Variants in MALRD1 observed in about 807,000 individuals in gnomAD.
MALRD1 encodes the protein MAM and LDL-receptor class A domain-containing protein 1.
MALRD1 carries 247 observed loss-of-function variants against 242.1 expected under a neutral mutation model. The observed-to-expected ratio is 1.02, with a 90% CI of 0.92 to 1.13. The LOEUF is 1.13. Among genes scored for constraint, MALRD1 ranks in the 50% most tolerant of loss-of-function variants. The probability of loss-of-function intolerance (pLI) is 0.00; values close to 1 mark genes in which losing one functional copy is unlikely to be tolerated. For synonymous variants in MALRD1, 995 were observed against 866.6 expected (o/e 1.15, Z -2.60); for missense variants, 2,989 against 2,533.1 (o/e 1.18, Z -3.86).
At chr10:19,386,645 T>C (rs953007629) in intron 26 of MALRD1, among the ~76,000 whole-genome samples, 1 of 152,000 alleles carries the variant, frequency 6.6e-6, no homozygotes, top group African/African-American at 2.4e-5. Context: ...TATTTACTAA[T>C]CACATAGTAA....
At chr10:19,657,443 G>A (rs905629679) in intron 36 of MALRD1, among the ~76,000 whole-genome samples, 5 of 152,094 alleles carry the variant, frequency 3.3e-5, no homozygotes, top group Non-Finnish European at 7.4e-5. Flanking sequence ...AGGGGCATCT[G>A]TATCTGGGGT....
In MALRD1 at chr10:19,215,728, TAAA is replaced by T. The variant is rs1837283166; in HGVS notation, c.2991+6049_2991+6051del. 2.6e-5 allele frequency among the ~76,000 whole-genome samples: 3 copies of T among 115,564 alleles called. 1 individual carries two copies. Among genetic ancestry groups the T allele is most frequent in the Non-Finnish European group, 5.8e-5 (3 of 51,622 alleles). The allele number at this position is 115,564 out of a possible 152,430, so 75.8% of individuals were successfully genotyped here. A position where few individuals can be genotyped will look rare whatever the true frequency, so the allele number is the denominator to read the frequency against. On this transcript the variant is annotated intron_variant, in intron 18 of 39. Coordinates refer to ENST00000454679, the MANE Select transcript of MALRD1 (RefSeq NM_001142308.3). ...GCAGACGTGCTATAATAAATTAGTA[TAAA>T]TAATTTAGTATAAATAATAATTAGT...
chr10:19,140,543 A>ATGTGTGTGTGTGTGTG lies in MALRD1; in HGVS notation c.1411+3776_1411+3791dup, dbSNP rs34024633. On this transcript the variant is annotated intron_variant, in intron 10 of 39. Transcript: ENST00000454679. ...ACAAGTGGGGTGTGTGTGTGTGTGT[A>ATGTGTGTGTGTGTGTG]TGTGTGTGTGTGTGTGTGTGTGTGT... 1.8e-3 allele frequency among the ~76,000 whole-genome samples: 258 copies of ATGTGTGTGTGTGTGTG among 147,084 alleles called. 1 individual carries two copies. Among genetic ancestry groups the ATGTGTGTGTGTGTGTG allele is most frequent in the Admixed American group, 3.8e-3 (55 of 14,570 alleles).
intron 28 of MALRD1, among the ~76,000 whole-genome samples, chr10:19,445,378 G>C (rs1470500031): frequency 6.6e-6 from 1 of 152,058 alleles, no homozygotes; most frequent in African/African-American, 2.4e-5. Context: ...TCCTTTGGAG[G>C]AGAAGAGACA....
intron 19 of MALRD1, among the ~76,000 whole-genome samples, chr10:19,270,518 A>G (rs115088454): frequency 0.015 from 2,356 of 152,182 alleles, 64 homozygotes; most frequent in African/African-American, 0.054. Context: ...TCTCCAGGTG[A>G]GAGAAAAAAA....
intron 29 of MALRD1, among the ~76,000 whole-genome samples, chr10:19,475,018 A>G (rs921645285): frequency 6.6e-6 from 1 of 152,234 alleles, no homozygotes; most frequent in Non-Finnish European, 1.5e-5. Context: ...ATCCCTATTT[A>G]TCACATGAGA....
chr10:19,305,540 G>C (rs779163351), intron 21 of MALRD1, among the ~76,000 whole-genome samples: 1 of 151,076 alleles, frequency 6.6e-6, no homozygotes, highest in African/African-American at 2.4e-5. Context: ...CCAATTTGTT[G>C]TTGTGAGAAA....
At chr10:19,410,732 G>C (rs2130883299) in intron 28 of MALRD1, among the ~76,000 whole-genome samples, 1 of 139,028 alleles carries the variant, frequency 7.2e-6, no homozygotes, top group East Asian at 2.2e-4. Context: ...ACTTTAGGAA[G>C]AGTCAAGAAT....
chr10:19,391,364 A>G (rs183329491), intron 28 of MALRD1, among the ~76,000 whole-genome samples: 26 of 152,290 alleles, frequency 1.7e-4, no homozygotes, highest in Non-Finnish European at 1.8e-4. Flanking sequence ...CTTGGTGATT[A>G]ATAAGATATG....
chr10:19,519,863 G>A (rs545067825), intron 31 of MALRD1, among the ~76,000 whole-genome samples: 3 of 152,146 alleles, frequency 2.0e-5, no homozygotes, highest in Admixed American at 6.6e-5. Context: ...ACTATTAAAC[G>A]GTCTACTTTC....
At position 19,376,549 on chromosome 10, in the gene MALRD1, T is replaced by A. The variant is rs1165581840; in HGVS notation, c.4442-10979T>A. Among the ~76,000 whole-genome samples the A allele has an allele frequency of 2.8e-3, 353 of 124,934 alleles. 7 individuals carry two copies. Among genetic ancestry groups the A allele is most frequent in the African/African-American group, 0.012 (332 of 27,418 alleles). The allele number at this position is 124,934 out of a possible 152,430, so 82.0% of individuals were successfully genotyped here. Reference sequence around the variant, plus strand: ...TCAAGGAGTTGATACATTCTTTTTTTTTTTTTTTTTTTTTTTTTTTTGTAA... The same window carrying A: ...TCAAGGAGTTGATACATTCTTTTTTATTTTTTTTTTTTTTTTTTTTTGTAA... On this transcript the variant is annotated intron_variant, in intron 26 of 39. Coordinates refer to ENST00000454679, the MANE Select transcript of MALRD1 (RefSeq NM_001142308.3).
At chr10:19,433,560 T>C (rs951163901) in intron 28 of MALRD1, among the ~76,000 whole-genome samples, 4 of 152,206 alleles carry the variant, frequency 2.6e-5, no homozygotes, top group Admixed American at 2.6e-4. Flanking sequence ...GTCAGTTAGA[T>C]GGCTTATTGG....
chr10:19,221,319 A>G (rs1837547541), intron 18 of MALRD1, among the ~76,000 whole-genome samples: 1 of 152,170 alleles, frequency 6.6e-6, no homozygotes, highest in Non-Finnish European at 1.5e-5. Flanking sequence ...CTGAAAGTAT[A>G]AATTACATAT....
chr10:19,332,206 A>G (rs575409555), intron 24 of MALRD1, among the ~76,000 whole-genome samples: 1 of 151,398 alleles, frequency 6.6e-6, no homozygotes, highest in South Asian at 2.1e-4. Context: ...ATGACAGGCA[A>G]AATTTTCATT....
chr10:19,075,801 T>G (rs566107433), intron 2 of MALRD1, among the ~76,000 whole-genome samples: 1 of 152,056 alleles, frequency 6.6e-6, no homozygotes, highest in African/African-American at 2.4e-5. Flanking sequence ...AGATAATACA[T>G]TTGTGTTGTT....
chr10:19,083,985 A>G (rs888069952), intron 2 of MALRD1, among the ~76,000 whole-genome samples: 3 of 151,986 alleles, frequency 2.0e-5, no homozygotes, highest in African/African-American at 7.2e-5. Context: ...TTCATTAACA[A>G]TACTCTTGTG....
intron 24 of MALRD1, among the ~76,000 whole-genome samples, chr10:19,345,042 C>T (rs1844048613): frequency 6.6e-6 from 1 of 152,086 alleles, no homozygotes; most frequent in South Asian, 2.1e-4. Flanking sequence ...CTTTTATTAC[C>T]TGGTGCCTAT....
chr10:19,491,311 GAT>G (rs938008602), intron 29 of MALRD1: 1 of 721,286 alleles, frequency 1.4e-6, no homozygotes, highest in Non-Finnish European at 2.3e-6. Flanking sequence ...GTGCATAAAA[GAT>G]ATTTCAGAAG....
intron 19 of MALRD1, among the ~76,000 whole-genome samples, chr10:19,261,320 C>A (rs1477767517): frequency 6.6e-6 from 1 of 151,590 alleles, no homozygotes; most frequent in Non-Finnish European, 1.5e-5. Context: ...TGTTTTTTTG[C>A]AATGGCATAA....
Sources: allele counts gnomAD v4.1 joint callset (sites outside exome capture counted in the v4.1 genomes callset), GRCh38; gene constraint gnomAD v4.1.1; transcripts MANE v1.5; gene names NCBI Gene and HGNC (gene_info 2026-07-23, HGNC 2026-07-21).